The following OR1J2 variants were observed in gnomAD, a reference collection of about 807,000 sequenced individuals.
The protein encoded by OR1J2 is olfactory receptor family 1 subfamily J member 2.
For missense variants in OR1J2, 304 were observed against 246.1 expected (o/e 1.24, Z -1.57); for synonymous variants, 142 against 99.7 (o/e 1.42, Z -2.52).
chr9:122,488,247 C>T, the OR1J2 span, among the ~76,000 whole-genome samples: 2 of 152,190 alleles, frequency 1.3e-5, no homozygotes, highest in Admixed American at 1.3e-4. Flanking sequence ...AAGTGATTCT[C>T]ATGCCTCAGC....
chr9:122,539,065 G>A, the OR1J2 span, among the ~76,000 whole-genome samples: 1 of 152,068 alleles, frequency 6.6e-6, no homozygotes. Context: ...CTCGGTCTCT[G>A]TGGGAAGGTA....
At chr9:122,487,689 A>G in the OR1J2 span, among the ~76,000 whole-genome samples, 1 of 152,244 alleles carries the variant, frequency 6.6e-6, no homozygotes, top group Non-Finnish European at 1.5e-5. Context: ...ACAAGGCTAC[A>G]GCAAGAGTAT....
the OR1J2 span, among the ~76,000 whole-genome samples, chr9:122,492,262 T>C: frequency 1.8e-4 from 28 of 152,254 alleles, no homozygotes; most frequent in African/African-American, 6.5e-4. Context: ...TTTGGTTTTC[T>C]TTTCCTGAGT....
chr9:122,487,403 A>G, the OR1J2 span, among the ~76,000 whole-genome samples: 1 of 152,094 alleles, frequency 6.6e-6, no homozygotes, highest in South Asian at 2.1e-4. Flanking sequence ...TACAAAAATT[A>G]TATAAACCAC....
the OR1J2 span, among the ~76,000 whole-genome samples, chr9:122,476,664 A>G: frequency 1.3e-5 from 2 of 152,078 alleles, no homozygotes; most frequent in African/African-American, 2.4e-5. Context: ...AGAAAGGTAA[A>G]TATCAGTTAG....
At chr9:122,489,882 G>C in the OR1J2 span, among the ~76,000 whole-genome samples, 1 of 152,142 alleles carries the variant, frequency 6.6e-6, no homozygotes. Context: ...AATTAAAAAC[G>C]CAATTAATAA....
At chr9:122,539,706 G>T in the OR1J2 span, among the ~76,000 whole-genome samples, 1 of 152,178 alleles carries the variant, frequency 6.6e-6, no homozygotes, top group East Asian at 1.9e-4. Flanking sequence ...TTCCACAATG[G>T]TTGAACTAGT....
the OR1J2 span, among the ~76,000 whole-genome samples, chr9:122,463,646 C>T: frequency 6.6e-6 from 1 of 152,156 alleles, no homozygotes. Flanking sequence ...CTCTCCTTTC[C>T]CCCTGAGATA....
the OR1J2 span, among the ~76,000 whole-genome samples, chr9:122,536,335 T>C: frequency 6.6e-6 from 1 of 152,210 alleles, no homozygotes; most frequent in South Asian, 2.1e-4. Context: ...ATATGACTTA[T>C]CTTTAAAGAA....
the OR1J2 span, among the ~76,000 whole-genome samples, chr9:122,557,969 A>G: frequency 6.6e-6 from 1 of 151,934 alleles, no homozygotes; most frequent in Non-Finnish European, 1.5e-5. Flanking sequence ...GGTCCATTTC[A>G]TTTAAGTTAT....
chr9:122,454,605 C>T, the OR1J2 span, among the ~76,000 whole-genome samples: 1 of 152,074 alleles, frequency 6.6e-6, no homozygotes, highest in Non-Finnish European at 1.5e-5. Context: ...CCAGACTGGG[C>T]TTCTCTGGGT....
chr9:122,482,429 A>G, the OR1J2 span, among the ~76,000 whole-genome samples: 1 of 152,206 alleles, frequency 6.6e-6, no homozygotes, highest in Non-Finnish European at 1.5e-5. Context: ...GTGGGAATAT[A>G]AATTATATAG....
At chr9:122,547,620 AGTGTGTGT>A in the OR1J2 span, among the ~76,000 whole-genome samples, 442 of 142,974 alleles carry the variant, frequency 3.1e-3, 1 homozygote, top group African/African-American at 7.3e-3. Flanking sequence ...GTAGTAGTTC[AGTGTGTGT>A]GTGTGTGTGT....
At chr9:122,579,212 G>A in the OR1J2 span, among the ~76,000 whole-genome samples, 3 of 151,658 alleles carry the variant, frequency 2.0e-5, no homozygotes, top group Non-Finnish European at 2.9e-5. Flanking sequence ...TTATTTGATA[G>A]CATATTTTGA....
chr9:122,506,059 G>A (rs922037860), upstream of OR1J2, among the ~76,000 whole-genome samples: 2 of 152,124 alleles, frequency 1.3e-5, no homozygotes, highest in Non-Finnish European at 2.9e-5. Context: ...GCTACCTGAT[G>A]AGTAGGACTC....
the OR1J2 span, among the ~76,000 whole-genome samples, chr9:122,552,057 ACTCTCTCTCTCT>A: frequency 6.9e-6 from 1 of 144,072 alleles, no homozygotes; most frequent in African/African-American, 2.5e-5. Flanking sequence ...ACACACATAC[ACTCTCTCTCTCT>A]CTCTCTCTCT....
At chr9:122,548,263 GTAGT>G in the OR1J2 span, among the ~76,000 whole-genome samples, 1 of 152,178 alleles carries the variant, frequency 6.6e-6, no homozygotes, top group East Asian at 1.9e-4. Flanking sequence ...TTGGGCTGGG[GTAGT>G]TAATTGGGTG....
the OR1J2 span, among the ~76,000 whole-genome samples, chr9:122,573,348 TTC>T: frequency 8.5e-4 from 129 of 152,380 alleles, no homozygotes; most frequent in African/African-American, 3.0e-3. Context: ...AAGGGAATGC[TTC>T]TCTTTCCTCA....
At chr9:122,458,165 T>C in the OR1J2 span, among the ~76,000 whole-genome samples, 2 of 152,236 alleles carry the variant, frequency 1.3e-5, no homozygotes, top group Non-Finnish European at 2.9e-5. Flanking sequence ...TTCAGTGCTT[T>C]TAGTGTCCAC....
Sources: allele counts gnomAD v4.1 joint callset (sites outside exome capture counted in the v4.1 genomes callset), GRCh38; gene constraint gnomAD v4.1.1; transcripts MANE v1.5; gene names NCBI Gene and HGNC (gene_info 2026-07-23, HGNC 2026-07-21).